Variants in MKLN1 observed in about 807,000 individuals in gnomAD.
The protein encoded by MKLN1 is muskelin 1.
A neutral mutation model predicts 99.0 loss-of-function variants in MKLN1; 18 were observed. That is an observed-to-expected ratio of 0.18 (90% confidence interval 0.13 to 0.27). The LOEUF (loss-of-function observed/expected upper bound fraction) is 0.27. Ranked by LOEUF, MKLN1 falls within the 10% of genes least tolerant of loss-of-function variation. MKLN1 has a pLI of 1.00. For synonymous variants in MKLN1, 288 were observed against 293.2 expected (o/e 0.98, Z 0.18); for missense variants, 621 against 875.9 (o/e 0.71, Z 3.67).
intron 15 of MKLN1, among the ~76,000 whole-genome samples, chr7:131,469,125 CTAGA>C (rs1377046484): frequency 1.3e-5 from 2 of 151,644 alleles, no homozygotes; most frequent in Admixed American, 6.6e-5. Context: ...ACCTTGTGGC[CTAGA>C]TAGATAGATA....
intron 3 of MKLN1, among the ~76,000 whole-genome samples, chr7:131,269,304 C>T (rs967924710): frequency 6.6e-5 from 10 of 152,202 alleles, no homozygotes; most frequent in Non-Finnish European, 2.9e-5. Flanking sequence ...GCTGTAAAGT[C>T]CAAGATCAGG....
At chr7:131,265,620 G>A (rs1797796612) in intron 3 of MKLN1, among the ~76,000 whole-genome samples, 1 of 152,150 alleles carries the variant, frequency 6.6e-6, no homozygotes, top group Admixed American at 6.5e-5. Context: ...CGGAGGAGGG[G>A]CTGTGGCTGG....
At chr7:131,400,516 A>AT (rs1186649549) in intron 6 of MKLN1, among the ~76,000 whole-genome samples, 282 of 108,080 alleles carry the variant, frequency 2.6e-3, no homozygotes, top group African/African-American at 0.013. Context: ...CAATAAAAAA[A>AT]AAATATATAT....
chr7:131,328,638 G>A (rs1303979424), intron 1 of MKLN1, among the ~76,000 whole-genome samples: 1 of 152,164 alleles, frequency 6.6e-6, no homozygotes, highest in Non-Finnish European at 1.5e-5. Flanking sequence ...AAGGAGGGAC[G>A]TTACCGAAGA....
intron 1 of MKLN1, among the ~76,000 whole-genome samples, chr7:131,139,019 C>T (rs1795692758): frequency 6.6e-6 from 1 of 152,092 alleles, no homozygotes; most frequent in South Asian, 2.1e-4. Context: ...GGATGGGGGA[C>T]CTATTCCTGC....
chr7:131,302,490 G>A (rs1798390794), intron 3 of MKLN1, among the ~76,000 whole-genome samples: 1 of 152,176 alleles, frequency 6.6e-6, no homozygotes, highest in South Asian at 2.1e-4. Context: ...CTTCCCAAAA[G>A]GCTGTTTGGT....
rs1230741424 is a variant in MKLN1 at position 131,372,302 on chromosome 7, C to A, written c.99-3122C>A. On this transcript the variant is annotated intron_variant, in intron 1 of 17. Coordinates refer to ENST00000352689, the MANE Select transcript of MKLN1 (RefSeq NM_013255.5). ...TTCAAACTCAGTTCATATCTTCAATCTTCTGTGTTTTCTAATTCATTTTTG... is the reference window on the plus strand; with the variant it reads ...TTCAAACTCAGTTCATATCTTCAATATTCTGTGTTTTCTAATTCATTTTTG... 2.0e-5 allele frequency among the ~76,000 whole-genome samples: 3 copies of A among 151,954 alleles called. No individual in the cohort carries two copies. In the East Asian group the frequency reaches 5.8e-4, roughly 29 times the overall value.
At chr7:131,336,763 C>T (rs913996283) in intron 1 of MKLN1, among the ~76,000 whole-genome samples, 3 of 152,082 alleles carry the variant, frequency 2.0e-5, no homozygotes, top group Non-Finnish European at 4.4e-5. Context: ...CATTGTCATG[C>T]ATTTCACGTC....
In MKLN1 at chr7:131,443,511, T is replaced by C; in HGVS notation, c.1204T>C (p.Tyr402His). The change falls in exon 11 of 18, where the codon TAC (tyrosine) becomes CAC (histidine). Residue 402 changes from tyrosine to histidine, a missense_variant. This residue lies in a region of MKLN1 where 361 missense variants were observed against 540.8 expected (regional missense o/e 0.67). Transcript: ENST00000352689. ...TATGGACTCAGAAAAACATATGATCTACACTTTTGGTGGTAGAATTTTGAC... is the reference window on the plus strand; with the variant it reads ...TATGGACTCAGAAAAACATATGATCCACACTTTTGGTGGTAGAATTTTGAC... ...MCMDSEKHMI[Y>H]TFGGRILTCN... The C allele has an allele frequency of 6.2e-7, 1 of 1,613,872 alleles. No individual in the cohort carries two copies. The highest frequency in any genetic ancestry group is 1.1e-5 in the South Asian group (1 of 91,086).
chr7:131,361,289 T>A (rs1563311038), intron 1 of MKLN1, among the ~76,000 whole-genome samples: 1 of 151,880 alleles, frequency 6.6e-6, no homozygotes, highest in African/African-American at 2.4e-5. Flanking sequence ...TTTTTTATTT[T>A]AAAAAATAGT....
chr7:131,196,182 A>G (rs1218033750), intron 2 of MKLN1, among the ~76,000 whole-genome samples: 1 of 152,186 alleles, frequency 6.6e-6, no homozygotes, highest in Non-Finnish European at 1.5e-5. Flanking sequence ...AAGTTGGGTT[A>G]CTACTGAATT....
Position 131,218,494 on chromosome 7 carries a change from A to G in MKLN1, c.-179+15520A>G, listed in dbSNP as rs75867998. 8.5e-3 allele frequency among the ~76,000 whole-genome samples: 1,293 copies of G among 152,320 alleles called. 82 individuals carry two copies. The East Asian group carries it at 0.16, about 19-fold the overall frequency. On this transcript the variant is annotated intron_variant, in intron 3 of 7. Transcript: ENST00000416992. ...TCTTTGTTTTGAAGTTAAACTATGA[A>G]CTAAATTCCTCCCATAATTAGCTTG...
chr7:131,273,832 C>T (rs909588030), intron 3 of MKLN1, among the ~76,000 whole-genome samples: 1 of 151,950 alleles, frequency 6.6e-6, no homozygotes, highest in Admixed American at 6.6e-5. Flanking sequence ...TCTAGAAAAA[C>T]CCCTGGCTTC....
intron 2 of MKLN1, among the ~76,000 whole-genome samples, chr7:131,385,260 C>T (rs576754644): frequency 6.6e-5 from 10 of 152,218 alleles, no homozygotes; most frequent in Admixed American, 1.3e-4. Flanking sequence ...CATCAGTCGA[C>T]GGACATTTGG....
chr7:131,191,680 CTGTAA>C (rs1397385558), intron 2 of MKLN1, among the ~76,000 whole-genome samples: 4 of 151,018 alleles, frequency 2.6e-5, no homozygotes, highest in Admixed American at 6.6e-5. Context: ...TCCAATTGGT[CTGTAA>C]TGTATCTGCT....
intron 3 of MKLN1, among the ~76,000 whole-genome samples, chr7:131,302,308 T>C (rs964907423): frequency 1.3e-5 from 2 of 152,116 alleles, no homozygotes; most frequent in Non-Finnish European, 2.9e-5. Context: ...TGGATGAAAG[T>C]TTAACCAATC....
At chr7:131,469,695 A>G (rs1402325286) in intron 15 of MKLN1, among the ~76,000 whole-genome samples, 1 of 152,238 alleles carries the variant, frequency 6.6e-6, no homozygotes, top group Non-Finnish European at 1.5e-5. Context: ...ACTCAAAGAA[A>G]ATTCATCTTT....
At chr7:131,365,433 A>G (rs1261141586) in intron 1 of MKLN1, among the ~76,000 whole-genome samples, 2 of 152,314 alleles carry the variant, frequency 1.3e-5, no homozygotes, top group East Asian at 3.9e-4. Context: ...TTTGCTGTGC[A>G]GAAGCTCTTA....
intron 2 of MKLN1, among the ~76,000 whole-genome samples, chr7:131,147,068 A>AT (rs1795824663): frequency 2.0e-5 from 3 of 151,584 alleles, no homozygotes; most frequent in South Asian, 2.1e-4. Flanking sequence ...ATTATTATTA[A>AT]TTTTTTTTGA....
Sources: gnomAD v4.1 joint callset for allele counts (sites outside exome capture counted in the v4.1 genomes callset) on GRCh38, gnomAD v4.1.1 for gene constraint, gnomAD v4.1.1 regional missense constraint, MANE v1.5 for transcripts, NCBI Gene and HGNC (gene_info 2026-07-23, HGNC 2026-07-21) for gene names.